Variants in SLC4A10 observed in about 807,000 individuals in gnomAD.
SLC4A10 encodes solute carrier family 4 member 10.
Under a neutral mutation model 137.7 loss-of-function variants are expected in SLC4A10, and 42 were observed. The observed-to-expected ratio is 0.30, with a 90% CI of 0.24 to 0.39. SLC4A10 has a LOEUF of 0.39. Ranked by LOEUF, SLC4A10 falls within the 10% of genes least tolerant of loss-of-function variation. The pLI is 1.00. For missense variants in SLC4A10, 925 were observed against 1,355.0 expected, an observed-to-expected ratio of 0.68 and a Z score of 4.98; for synonymous variants, 474 against 464.1, an observed-to-expected ratio of 1.02 and a Z score of -0.27.
intron 1 of SLC4A10, among the ~76,000 whole-genome samples, chr2:161,635,980 T>G (rs116350348): frequency 6.2e-4 from 94 of 152,298 alleles, no homozygotes; most frequent in African/African-American, 1.9e-3. Context: ...GATTTCACCA[T>G]TCTTCCACTC....
chr2:161,717,826 T>G (rs2045108510), intron 1 of SLC4A10, among the ~76,000 whole-genome samples: 1 of 152,120 alleles, frequency 6.6e-6, no homozygotes, highest in Non-Finnish European at 1.5e-5. Flanking sequence ...TACAGAGGAG[T>G]CCCTCCTTTC....
At chr2:161,866,265 T>A (rs2060742414) in intron 6 of SLC4A10, among the ~76,000 whole-genome samples, 1 of 152,040 alleles carries the variant, frequency 6.6e-6, no homozygotes, top group Non-Finnish European at 1.5e-5. Flanking sequence ...CTTCCCCATT[T>A]TAAAGATTAG....
At chr2:161,780,015 G>C (rs2052829442) in intron 2 of SLC4A10, among the ~76,000 whole-genome samples, 1 of 151,976 alleles carries the variant, frequency 6.6e-6, no homozygotes, top group East Asian at 1.9e-4. Flanking sequence ...GCTACTCAGT[G>C]TACTACAAAT....
At chr2:161,838,574 A>G (rs1239313832) in intron 3 of SLC4A10, among the ~76,000 whole-genome samples, 2 of 152,226 alleles carry the variant, frequency 1.3e-5, no homozygotes, top group African/African-American at 4.8e-5. Flanking sequence ...ATTGCAAATC[A>G]TATGTTCAAA....
At chr2:161,974,108 C>A in intron 23 of SLC4A10, 141 bp from the exon 24 acceptor site, 1 of 542,692 alleles carries the variant, frequency 1.8e-6, no homozygotes, top group Non-Finnish European at 3.2e-6. Flanking sequence ...TTGAAAGGAC[C>A]TGTGCTAACA....
intron 1 of SLC4A10, among the ~76,000 whole-genome samples, chr2:161,681,370 T>C (rs2040832056): frequency 6.6e-6 from 1 of 152,190 alleles, no homozygotes; most frequent in South Asian, 2.1e-4. Context: ...ACAGTTGATA[T>C]TCATTTTGGA....
chr2:161,854,479 A>G (rs1446323585), intron 4 of SLC4A10, among the ~76,000 whole-genome samples: 1 of 152,120 alleles, frequency 6.6e-6, no homozygotes, highest in African/African-American at 2.4e-5. Context: ...CAAGCCTAAC[A>G]AGGATTTTTC....
chr2:161,912,902 A>AT (rs1422126764), intron 15 of SLC4A10, among the ~76,000 whole-genome samples: 2 of 140,988 alleles, frequency 1.4e-5, no homozygotes, highest in African/African-American at 2.7e-5. Context: ...CTAAGGCTTA[A>AT]TTCATAACTG....
At chr2:161,641,863 T>A (rs2035368298) in intron 1 of SLC4A10, among the ~76,000 whole-genome samples, 1 of 152,030 alleles carries the variant, frequency 6.6e-6, no homozygotes, top group African/African-American at 2.4e-5. Flanking sequence ...TACATGAAGC[T>A]GCCTCATAAT....
rs1185509907 is a variant in SLC4A10, at chr2:161,836,546, A to AAG, written c.278-3241_278-3240dup. ...AGAGAGAGAGAGAAAGAAAGAAAGA[A>AAG]AGAAAGAAAGAAAGAAAGAAAGAAA... On this transcript the variant is annotated intron_variant, in intron 3 of 26. Transcript: ENST00000446997. 1.9e-4 allele frequency among the ~76,000 whole-genome samples: 8 copies of AAG among 42,792 alleles called. 1 individual carries two copies. Among genetic ancestry groups the AAG allele is most frequent in the South Asian group, 1.7e-3 (2 of 1,178 alleles). The allele number at this position is 42,792 out of a possible 152,430, so 28.1% of individuals were successfully genotyped here.
chr2:161,831,410 A>G (rs1377541220), intron 3 of SLC4A10, among the ~76,000 whole-genome samples: 1 of 152,104 alleles, frequency 6.6e-6, no homozygotes, highest in Non-Finnish European at 1.5e-5. Flanking sequence ...CAGATGTTTT[A>G]TTGAACTAAC....
rs183516010 is a variant in SLC4A10 at position 161,948,761 on chromosome 2, T to C, written c.2266-387T>C. ...TTTATGATGCTTCAAGTTTATCATA[T>C]TAAAGTGTTACCTGTGTGAAAGAGA... On this transcript the variant is annotated intron_variant, in intron 17 of 26. Coordinates refer to ENST00000446997, the MANE Select transcript of SLC4A10 (RefSeq NM_001178015.2). 5.0e-3 allele frequency among the ~76,000 whole-genome samples: 756 copies of C among 152,260 alleles called. 5 individuals are homozygous for C. Among genetic ancestry groups the C allele is most frequent in the Non-Finnish European group, 8.5e-3 (579 of 68,008 alleles).
At chr2:161,928,341 G>C (rs943885698) in intron 15 of SLC4A10, among the ~76,000 whole-genome samples, 1 of 130,800 alleles carries the variant, frequency 7.6e-6, no homozygotes, top group African/African-American at 2.9e-5. Flanking sequence ...ATGGACACAG[G>C]AAGGGGAACA....
intron 4 of SLC4A10, among the ~76,000 whole-genome samples, chr2:161,848,808 G>T (rs2059649059): frequency 6.6e-6 from 1 of 152,140 alleles, no homozygotes; most frequent in Non-Finnish European, 1.5e-5. Context: ...TTGAAGTCAG[G>T]TAGTGTGATG....
intron 10 of SLC4A10, among the ~76,000 whole-genome samples, chr2:161,885,523 A>G (rs1242976691): frequency 1.3e-5 from 2 of 152,182 alleles, no homozygotes. Flanking sequence ...TCAGGGTTCA[A>G]TAAATCTTTA....
intron 15 of SLC4A10, among the ~76,000 whole-genome samples, chr2:161,928,650 A>C (rs1363673133): frequency 2.0e-5 from 1 of 51,094 alleles, no homozygotes; most frequent in African/African-American, 6.5e-5. Context: ...CCTTGAAAGC[A>C]AAAAAAAAAA....
intron 15 of SLC4A10, among the ~76,000 whole-genome samples, chr2:161,920,646 G>T (rs569990874): frequency 6.6e-6 from 1 of 152,264 alleles, no homozygotes; most frequent in South Asian, 2.1e-4. Flanking sequence ...TTCAAGTCCT[G>T]TGACAAACCA....
intron 1 of SLC4A10, among the ~76,000 whole-genome samples, chr2:161,639,376 A>G (rs184232063): frequency 5.3e-5 from 8 of 152,260 alleles, no homozygotes; most frequent in Admixed American, 1.3e-4. Flanking sequence ...AAAAATCCTG[A>G]ACAAAATATT....
intron 3 of SLC4A10, among the ~76,000 whole-genome samples, chr2:161,829,926 A>G (rs1319386798): frequency 6.6e-6 from 1 of 152,124 alleles, no homozygotes; most frequent in Non-Finnish European, 1.5e-5. Flanking sequence ...AGACTTATTC[A>G]CTACCACGGG....
Sources: gnomAD v4.1 joint callset for allele counts (sites outside exome capture counted in the v4.1 genomes callset) on GRCh38, gnomAD v4.1.1 for gene constraint, MANE v1.5 for transcripts, NCBI Gene and HGNC (gene_info 2026-07-23, HGNC 2026-07-21) for gene names.